ZNF639: variants seen among roughly 807,000 people sequenced by gnomAD.
ZNF639 encodes zinc finger protein 639.
A neutral mutation model predicts 39.8 loss-of-function variants in ZNF639; 20 were observed. That is an observed-to-expected ratio of 0.50 (90% CI 0.35 to 0.73). ZNF639 has a LOEUF of 0.73. ZNF639 is among the 30% of genes least tolerant of loss of function. The probability of loss-of-function intolerance (pLI) is 0.00; values close to 1 mark genes in which losing one functional copy is unlikely to be tolerated. For synonymous variants in ZNF639, 176 were observed against 189.8 expected (o/e 0.93, Z 0.60); for missense variants, 477 against 566.2 (o/e 0.84, Z 1.60).
intron 1 of ZNF639, among the ~76,000 whole-genome samples, chr3:179,323,495 G>C (rs1329232671): frequency 6.6e-6 from 1 of 152,168 alleles, no homozygotes; most frequent in Non-Finnish European, 1.5e-5. Flanking sequence ...GCCTTGGCCG[G>C]GCTCCCCTCG....
intron 3 of ZNF639, among the ~76,000 whole-genome samples, chr3:179,329,072 C>T (rs540093233): frequency 2.0e-5 from 3 of 152,276 alleles, no homozygotes; most frequent in African/African-American, 4.8e-5. Flanking sequence ...GTCTTTGTGG[C>T]CATCTCTAAT....
At chr3:179,331,775 CAAA>C (rs56708873) in intron 4 of ZNF639, among the ~76,000 whole-genome samples, 13 of 80,550 alleles carry the variant, frequency 1.6e-4, no homozygotes, top group African/African-American at 2.8e-4. Flanking sequence ...AACTCCATCT[CAAA>C]AAAAAAAAAA....
At position 179,334,647 on chromosome 3, in the gene ZNF639, G is replaced by T. The variant is rs937439055; in HGVS notation, c.*225G>T. On this transcript the variant is annotated 3_prime_UTR_variant, in exon 6 of 6. Coordinates refer to ENST00000496856, the MANE Select transcript of ZNF639 (RefSeq NM_001303426.2). ...ATAGTTTGTAGTTTCAACCACTCTT[G>T]GTGACTGTCATCCTGTTTCTTCCAT... 7 of 279,598 alleles carry T rather than the reference G, an allele frequency of 2.5e-5. No homozygotes were observed. The highest frequency in any genetic ancestry group is 4.6e-5 in the Non-Finnish European group (7 of 152,174). 17.3% of individuals were successfully genotyped at this position (279,598 alleles called of 1,614,324 possible).
upstream of ZNF639, chr3:179,322,925 C>T: frequency 1.0e-6 from 1 of 985,218 alleles, no homozygotes; most frequent in Non-Finnish European, 1.2e-6. Context: ...TCCCCCGGGG[C>T]TGCGGGCCGG....
Position 179,333,503 on chromosome 3 carries a change from A to G in ZNF639, c.539A>G (p.Asp180Gly). Residue 180 changes from aspartate to glycine, a missense_variant, in exon 6 of 6, where the codon GAC (aspartate) becomes GGC (glycine). Coordinates refer to ENST00000496856, the MANE Select transcript of ZNF639 (RefSeq NM_001303426.2). ...EPPAKLCKIL[D>G]KSQALNVTAQ... ...CCAGCTAAACTTTGTAAAATTCTTG[A>G]CAAGAGCCAAGCTTTGAATGTGACT... 1.9e-6 allele frequency: 3 copies of G among 1,614,144 alleles called. No individual in the cohort carries two copies. Among genetic ancestry groups the G allele is most frequent in the Non-Finnish European group, 2.5e-6 (3 of 1,180,030 alleles).
At chr3:179,327,652 CTAAT>C (rs1253902089) in intron 2 of ZNF639, 21 bp downstream of exon 2, 2 of 152,190 alleles carry the variant, frequency 1.3e-5, no homozygotes, top group African/African-American at 4.8e-5. Context: ...TGTATTGAAA[CTAAT>C]TAATTTTGTA....
rs150089782 is a variant in ZNF639, at chr3:179,334,022, A to G, written c.1058A>G (p.Asn353Ser). 0.013 allele frequency: 21,762 copies of G among 1,614,198 alleles called. 729 individuals are homozygous for G. The highest frequency in any genetic ancestry group is 0.11 in the South Asian group (9,988 of 91,078). Residue 353 changes from asparagine to serine, a missense_variant, in exon 6 of 6, where the codon AAT (asparagine) becomes AGT (serine). Transcript: ENST00000496856. ...ATAGAGTTAAGTGATAAGTATAACA[A>G]TGGTGAACATGGACAGTATAGCCTC... ...KLIELSDKYN[N>S]GEHGQYSLLS... is the part of the protein sequence containing the mutation.
rs1272135857 is a variant in ZNF639 at position 179,336,424 on chromosome 3, G to A, written c.*2002G>A. Reference sequence around the variant, plus strand: ...AATTTAGTCTGTTTGGACAATGGTGGCTGCAAGTATTCTTAGAAGGTATTA... The same window carrying A: ...AATTTAGTCTGTTTGGACAATGGTGACTGCAAGTATTCTTAGAAGGTATTA... On this transcript the variant is annotated 3_prime_UTR_variant, in exon 6 of 6. Transcript: ENST00000496856. 1.3e-5 allele frequency: 2 copies of A among 152,192 alleles called. No individual in the cohort carries two copies. Among genetic ancestry groups the A allele is most frequent in the East Asian group, 3.8e-4 (2 of 5,204 alleles). 9.4% of individuals were successfully genotyped at this position (152,192 alleles called of 1,614,324 possible). A position where few individuals can be genotyped will look rare whatever the true frequency, so the allele number is the denominator to read the frequency against.
chr3:179,334,700 A>G lies in ZNF639; in HGVS notation c.*278A>G, dbSNP rs1231505689. 2 of 197,692 alleles carry G rather than the reference A, an allele frequency of 1.0e-5. No individual in the cohort carries two copies. The highest frequency in any genetic ancestry group is 1.0e-5 in the Non-Finnish European group (1 of 98,780). 12.2% of individuals were successfully genotyped at this position (197,692 alleles called of 1,614,324 possible). Reference sequence around the variant, plus strand: ...TCTCTGATTTCATGAATTGAAAAGAAACAAATGTATTGAAGAAGTGAGCTA... The same window carrying G: ...TCTCTGATTTCATGAATTGAAAAGAGACAAATGTATTGAAGAAGTGAGCTA... On this transcript the variant is annotated 3_prime_UTR_variant, in exon 6 of 6. Transcript: ENST00000496856.
rs763726307 is a variant in ZNF639 at position 179,333,010 on chromosome 3, C to T, written c.191C>T (p.Thr64Met). ...DNKDDDSDTE[T>M]SNDLPKFADG... The stretch of plus-strand genomic sequence containing the variant: ...ACAGATGATGATTCTGATACCGAGA[C>T]GTCAAATGACTTGCCAAAATTTGCA... Residue 64 changes from threonine (T) to methionine (M), a missense_variant, in exon 5 of 6, where the codon ACG (threonine) becomes ATG (methionine). Transcript: ENST00000496856. The T allele has an allele frequency of 5.2e-6, 8 of 1,552,742 alleles. No individual in the cohort carries two copies. The highest frequency in any genetic ancestry group is 1.2e-5 in the South Asian group (1 of 84,304).
At position 179,334,227 on chromosome 3, in the gene ZNF639, T is replaced by C; in HGVS notation, c.1263T>C (p.His421=). Residue 421 remains histidine, a synonymous_variant, in exon 6 of 6, where the codon CAT becomes CAC. Transcript: ENST00000496856. ...CAAGTATGCTAGAATATTGCAAGCA[T>C]TTAAATTCACATTTATCTGAAGGGA... The part of the protein sequence containing the change: ...GFSSMLEYCK[H]LNSHLSEGIY... The C allele has an allele frequency of 6.2e-7, 1 of 1,612,888 alleles. No homozygotes were observed. The highest frequency in any genetic ancestry group is 1.1e-5 in the South Asian group (1 of 90,686).
Position 179,328,290 on chromosome 3 carries a change from A to G in ZNF639, c.-4A>G. The G allele has an allele frequency of 1.3e-6, 2 of 1,554,628 alleles. No homozygotes were observed. The highest frequency in any genetic ancestry group is 1.8e-6 in the Non-Finnish European group (2 of 1,139,520). On this transcript the variant is annotated 5_prime_UTR_variant, in exon 3 of 6. Transcript: ENST00000496856. ...TTTTTTCTCGTTTTTTAGATTGAAA[A>G]GATATGAATGAGTATCCTAAAAAAA... is the stretch of plus-strand genomic sequence containing the variant.
intron 1 of ZNF639, chr3:179,323,978 G>A (rs1383413903): frequency 2.6e-5 from 4 of 152,214 alleles, no homozygotes; most frequent in African/African-American, 9.6e-5. Context: ...AGCGAATCAA[G>A]TATTTAGTGA....
At chr3:179,323,016 T>A, upstream of ZNF639, 2 of 985,004 alleles carry the variant, frequency 2.0e-6, no homozygotes, top group Non-Finnish European at 2.4e-6. Flanking sequence ...CTCCCCGCCC[T>A]CTCGGCGGGC....
rs1158015714 is a variant in ZNF639 at position 179,333,895 on chromosome 3, C to G, written c.931C>G (p.His311Asp). Reference protein sequence around the residue: ...SSELYLHFQEHSCDEQYLCQF... With the variant: ...SSELYLHFQEDSCDEQYLCQF... Reference sequence around the variant, plus strand: ...TGAACTCTACCTACATTTCCAGGAGCACAGCTGTGATGAACAGTACTTGTG... The same window carrying G: ...TGAACTCTACCTACATTTCCAGGAGGACAGCTGTGATGAACAGTACTTGTG... Residue 311 changes from histidine to aspartate, a missense_variant, in exon 6 of 6, where the codon CAC (histidine) becomes GAC (aspartate). Physicochemically the swap from His to Asp is moderately conservative, Grantham distance 81. Transcript: ENST00000496856. 1.2e-6 allele frequency: 2 copies of G among 1,614,024 alleles called. No individual in the cohort carries two copies. The highest frequency in any genetic ancestry group is 1.7e-6 in the Non-Finnish European group (2 of 1,180,030).
rs529687649 is a variant in ZNF639 at position 179,334,543 on chromosome 3, T to A, written c.*121T>A. 47 of 692,778 alleles carry A rather than the reference T, an allele frequency of 6.8e-5. No individual in the cohort carries two copies. The South Asian group carries it at 1.7e-3, about 25-fold the overall frequency. 42.9% of individuals were successfully genotyped at this position (692,778 alleles called of 1,614,324 possible). ...AATCTGCCTTTAACAAGTAACTTTT[T>A]TAAATTATAAAATTTTATTGGCATT... On this transcript the variant is annotated 3_prime_UTR_variant, in exon 6 of 6. Transcript: ENST00000496856.
chr3:179,333,247 A>G (rs780946756), intron 5 of ZNF639, 22 bp from the exon 6 acceptor site: 2 of 1,582,206 alleles, frequency 1.3e-6, no homozygotes, highest in Non-Finnish European at 1.7e-6. Flanking sequence ...TAGTCATATA[A>G]TAGGTTTGTT....
intron 2 of ZNF639, 36 bp from the exon 3 acceptor site, chr3:179,328,245 ATT>A: frequency 8.5e-7 from 1 of 1,182,546 alleles, no homozygotes; most frequent in Non-Finnish European, 1.2e-6. Flanking sequence ...AACAGTTGTT[ATT>A]TGTGACATAT....
In ZNF639 at chr3:179,335,795, T is replaced by G. The variant is rs55916170; in HGVS notation, c.*1373T>G. The G allele has an allele frequency of 0.26, 38,080 of 146,836 alleles. 5,992 individuals carry two copies. The highest frequency in any genetic ancestry group is 0.43 in the South Asian group (1,994 of 4,604). 9.1% of individuals were successfully genotyped at this position (146,836 alleles called of 1,614,324 possible). On this transcript the variant is annotated 3_prime_UTR_variant, in exon 6 of 6. Transcript: ENST00000496856. ...TCCTCTTTTTTTTTTTTTTTTTGCT[T>G]TTTTAATTTTTTGAGACAGAATTTC...
Sources: gnomAD v4.1 joint callset for allele counts (sites outside exome capture counted in the v4.1 genomes callset) on GRCh38, gnomAD v4.1.1 for gene constraint, MANE v1.5 for transcripts, NCBI Gene and HGNC (gene_info 2026-07-23, HGNC 2026-07-21) for gene names.